Variants in PATJ observed in about 807,000 individuals in gnomAD.
The protein encoded by PATJ is inaD-like protein.
In PATJ, 190 loss-of-function variants were observed where a neutral mutation model predicts 224.9. The ratio of observed to expected loss-of-function variants is 0.84; its 90% CI spans 0.75 to 0.95. The LOEUF (loss-of-function observed/expected upper bound fraction) is 0.95, where lower values mean the gene tolerates loss of function less well. PATJ is among the 40% of genes least tolerant of loss of function. The probability of loss-of-function intolerance (pLI) is 0.00; values close to 1 mark genes in which losing one functional copy is unlikely to be tolerated. For missense variants in PATJ, 2,121 were observed against 2,270.3 expected (o/e 0.93, Z 1.34); for synonymous variants, 769 against 820.3 (o/e 0.94, Z 1.07).
intron 22 of PATJ, among the ~76,000 whole-genome samples, chr1:61,895,431 A>G (rs950648862): frequency 2.0e-5 from 3 of 152,232 alleles, no homozygotes; most frequent in African/African-American, 7.2e-5. Context: ...TACTCTCTGC[A>G]GCCTTGGGAC....
chr1:61,980,809 CAGG>C (rs1249553577), intron 27 of PATJ, among the ~76,000 whole-genome samples: 4 of 152,220 alleles, frequency 2.6e-5, no homozygotes, highest in Non-Finnish European at 5.9e-5. Context: ...CAGCCATGCA[CAGG>C]AGGAGTGCTA....
At chr1:61,746,353 CAGGCGTGA>C in intron 1 of PATJ, among the ~76,000 whole-genome samples, 1 of 152,344 alleles carries the variant, frequency 6.6e-6, no homozygotes, top group Non-Finnish European at 1.5e-5. Flanking sequence ...GTTGGGCTTA[CAGGCGTGA>C]GCCACCCTTC....
chr1:61,863,905 A>G (rs540994495), intron 19 of PATJ, among the ~76,000 whole-genome samples: 2 of 152,354 alleles, frequency 1.3e-5, no homozygotes, highest in African/African-American at 4.8e-5. Flanking sequence ...ACTACTTTTT[A>G]TGGGTTAAAT....
intron 29 of PATJ, among the ~76,000 whole-genome samples, chr1:62,029,173 G>GA (rs1558063051): frequency 6.6e-6 from 1 of 152,100 alleles, no homozygotes; most frequent in Non-Finnish European, 1.5e-5. Flanking sequence ...GGCTATTTGG[G>GA]ATGCCTTGAA....
chr1:61,976,324 C>T (rs11802354), intron 27 of PATJ, among the ~76,000 whole-genome samples: 35,777 of 151,802 alleles, frequency 0.24, 4,741 homozygotes, highest in African/African-American at 0.34. Context: ...AGGCAAGTTC[C>T]ATAACCTCCA....
At chr1:61,884,447 A>C in intron 22 of PATJ, 39 bp downstream of exon 22, 2 of 874,556 alleles carry the variant, frequency 2.3e-6, no homozygotes, top group Non-Finnish European at 3.1e-6. Flanking sequence ...ATTATAAAAT[A>C]GTGGTTTTTT....
intron 27 of PATJ, among the ~76,000 whole-genome samples, chr1:61,964,996 C>T (rs1234235311): frequency 1.3e-5 from 2 of 151,176 alleles, no homozygotes; most frequent in East Asian, 3.9e-4. Context: ...CCTGTAGCGC[C>T]AGCTGCTCGG....
intron 29 of PATJ, among the ~76,000 whole-genome samples, chr1:62,028,981 A>ATACG (rs1648627045): frequency 6.6e-6 from 1 of 151,796 alleles, no homozygotes; most frequent in African/African-American, 2.4e-5. Context: ...ACATACATAC[A>ATACG]TACATACATA....
At chr1:61,876,275 T>C (rs190918832) in intron 21 of PATJ, among the ~76,000 whole-genome samples, 1 of 152,236 alleles carries the variant, frequency 6.6e-6, no homozygotes, top group African/African-American at 2.4e-5. Context: ...AGACAGAGTA[T>C]GAATACTTAA....
intron 18 of PATJ, 127 bp downstream of exon 18, chr1:61,856,366 C>A: frequency 1.4e-6 from 1 of 713,548 alleles, no homozygotes; most frequent in Non-Finnish European, 2.3e-6. Context: ...TGACCTTGGG[C>A]AGGTTTCTTA....
At chr1:62,135,515 CAAAAAAA>C (rs4019805) in intron 41 of PATJ, among the ~76,000 whole-genome samples, 20 of 83,778 alleles carry the variant, frequency 2.4e-4, no homozygotes, top group African/African-American at 3.2e-4. Context: ...GACTCCGTCT[CAAAAAAA>C]AAAAAAAAAA....
At chr1:61,970,359 C>T (rs371994376) in intron 27 of PATJ, among the ~76,000 whole-genome samples, 3 of 151,990 alleles carry the variant, frequency 2.0e-5, no homozygotes, top group Non-Finnish European at 4.4e-5. Context: ...CTGTTATATT[C>T]GACAAACCTA....
Position 61,775,204 on chromosome 1 carries a change from A to G in PATJ, c.721-2A>G. 1 of 1,604,782 alleles carries G rather than the reference A, an allele frequency of 6.2e-7. No individual in the cohort carries two copies. The highest frequency in any genetic ancestry group is 8.5e-7 in the Non-Finnish European group (1 of 1,177,306). ...CGACTCTTATTTGCCATTAATTTGT[A>G]GGTTTGTTGGGGCCATGTTGAAGAG... On this transcript the variant is annotated splice_acceptor_variant, in intron 6 of 43. Coordinates refer to ENST00000642238, the MANE Select transcript of PATJ (RefSeq NM_001350145.3). LOFTEE classifies it high-confidence loss of function.
At chr1:61,746,189 G>A (rs1187758166) in intron 1 of PATJ, among the ~76,000 whole-genome samples, 2 of 152,068 alleles carry the variant, frequency 1.3e-5, no homozygotes, top group African/African-American at 2.4e-5. Flanking sequence ...AGATCTGCCC[G>A]ACTTGGCCTC....
chr1:61,772,586 G>A (rs575643), intron 6 of PATJ, among the ~76,000 whole-genome samples: 10,920 of 152,198 alleles, frequency 0.072, 491 homozygotes, highest in Non-Finnish European at 0.099. Flanking sequence ...AAATAAGACT[G>A]TCTCAGTACA....
chr1:61,978,807 T>C (rs1283555430), intron 27 of PATJ, among the ~76,000 whole-genome samples: 1 of 152,084 alleles, frequency 6.6e-6, no homozygotes, highest in Non-Finnish European at 1.5e-5. Context: ...TAACTAAATG[T>C]TTCTGAAATT....
chr1:62,034,729 T>G (rs1208921776), intron 29 of PATJ, among the ~76,000 whole-genome samples: 1 of 152,196 alleles, frequency 6.6e-6, no homozygotes, highest in Non-Finnish European at 1.5e-5. Context: ...TTTCTTCTTT[T>G]CAGTGAGAGT....
chr1:61,941,611 A>G (rs1158572412), intron 27 of PATJ, among the ~76,000 whole-genome samples: 1 of 152,206 alleles, frequency 6.6e-6, no homozygotes, highest in Non-Finnish European at 1.5e-5. Flanking sequence ...AGATCATGCC[A>G]CTGCACTCCA....
chr1:61,954,359 G>A (rs930918646), intron 27 of PATJ, among the ~76,000 whole-genome samples: 5 of 152,040 alleles, frequency 3.3e-5, no homozygotes, highest in African/African-American at 4.8e-5. Flanking sequence ...ATGAGGCCTC[G>A]GTCTGTAGAG....
Sources: allele counts gnomAD v4.1 joint callset (sites outside exome capture counted in the v4.1 genomes callset), GRCh38; gene constraint gnomAD v4.1.1; transcripts MANE v1.5; gene names NCBI Gene and HGNC (gene_info 2026-07-23, HGNC 2026-07-21).